The following VWA8 variants were observed in gnomAD, a reference collection of about 807,000 sequenced individuals.
VWA8 encodes the protein von Willebrand factor A domain containing 8.
A neutral mutation model predicts 241.5 loss-of-function variants in VWA8; 221 were observed. That is an observed-to-expected ratio of 0.91 (90% CI 0.82 to 1.02). The LOEUF (loss-of-function observed/expected upper bound fraction) is 1.02, where lower values mean the gene tolerates loss of function less well. VWA8 is among the 50% of genes least tolerant of loss of function. The pLI, the probability that VWA8 is intolerant of heterozygous loss-of-function variation, is 0.00. For synonymous variants in VWA8, 852 were observed against 827.1 expected (o/e 1.03, Z -0.52); for missense variants, 2,322 against 2,328.7 (o/e 1.00, Z 0.06).
chr13:41,842,120 A>C (rs1248972773), intron 12 of VWA8, among the ~76,000 whole-genome samples: 4 of 151,984 alleles, frequency 2.6e-5, no homozygotes, highest in Admixed American at 2.6e-4. Flanking sequence ...CTATGCCCAC[A>C]CCTATTAGTG....
chr13:41,944,678 C>T (rs1379985135), intron 2 of VWA8, among the ~76,000 whole-genome samples: 2 of 152,178 alleles, frequency 1.3e-5, no homozygotes, highest in African/African-American at 4.8e-5. Context: ...CAGAACTATA[C>T]AGAAGCTCCT....
Position 41,811,934 on chromosome 13 carries a change from G to T in VWA8, c.1948-594C>A, listed in dbSNP as rs186503311. Among the ~76,000 whole-genome samples the T allele has an allele frequency of 4.6e-5, 7 of 152,230 alleles. No individual in the cohort carries two copies. In the East Asian group the frequency reaches 1.3e-3, roughly 29 times the overall value. On this transcript the variant is annotated intron_variant, in intron 16 of 44. Transcript: ENST00000379310. The stretch of plus-strand genomic sequence containing the variant: ...TTGCTAGTACAGAACTCAGGACATG[G>T]TCAGTACTCAATAAATATTTGTTGA...
At chr13:41,826,782 G>A (rs185204292) in intron 14 of VWA8, among the ~76,000 whole-genome samples, 239 of 152,286 alleles carry the variant, frequency 1.6e-3, no homozygotes, top group African/African-American at 5.7e-3. Flanking sequence ...GCTAAGGCGG[G>A]AGGATGGTTT....
intron 35 of VWA8, among the ~76,000 whole-genome samples, chr13:41,677,092 T>C (rs1248595015): frequency 6.6e-6 from 1 of 152,228 alleles, no homozygotes; most frequent in African/African-American, 2.4e-5. Context: ...AATATTTATC[T>C]TTCTTTTGGG....
At chr13:41,685,276 A>G (rs763517734) in intron 34 of VWA8, 34 bp from the exon 35 acceptor site, 67 of 1,580,490 alleles carry the variant, frequency 4.2e-5, no homozygotes, top group Non-Finnish European at 5.8e-5. Flanking sequence ...GTACTGAAGT[A>G]CCATATACTA....
At chr13:41,796,120 T>C (rs571271945) in intron 17 of VWA8, among the ~76,000 whole-genome samples, 1 of 152,292 alleles carries the variant, frequency 6.6e-6, no homozygotes, top group African/African-American at 2.4e-5. Context: ...CTCAGAATGT[T>C]TGCATCCACT....
intron 10 of VWA8, among the ~76,000 whole-genome samples, chr13:41,866,629 C>T (rs1873327291): frequency 6.6e-6 from 1 of 152,016 alleles, no homozygotes; most frequent in Non-Finnish European, 1.5e-5. Context: ...TAAAGTCCCA[C>T]ATTATCAGAT....
chr13:41,956,993 C>G (rs1878378277), intron 1 of VWA8, among the ~76,000 whole-genome samples: 1 of 152,156 alleles, frequency 6.6e-6, no homozygotes, highest in Admixed American at 6.5e-5. Flanking sequence ...GTAATCCCAG[C>G]ACTTTGGGAG....
chr13:41,800,583 T>C lies in VWA8; in HGVS notation c.2063+10642A>G, dbSNP rs1317926492. 7.3e-5 allele frequency among the ~76,000 whole-genome samples: 11 copies of C among 151,444 alleles called. 1 individual carries two copies. The highest frequency in any genetic ancestry group is 7.2e-4 in the Admixed American group (11 of 15,220). ...GCAGGAGGATCATGAAGTCAGGAGA[T>C]TGAAACCATCCTGGCTAACACAGTG... On this transcript the variant is annotated intron_variant, in intron 17 of 44. Coordinates refer to ENST00000379310, the MANE Select transcript of VWA8 (RefSeq NM_015058.2).
chr13:41,688,700 T>C (rs9562334), intron 34 of VWA8, among the ~76,000 whole-genome samples: 12,396 of 151,934 alleles, frequency 0.082, 645 homozygotes, highest in African/African-American at 0.15. Context: ...ATAATGACAA[T>C]CCAACAAATT....
chr13:41,599,410 A>C (rs928422969), intron 40 of VWA8, among the ~76,000 whole-genome samples: 1 of 152,176 alleles, frequency 6.6e-6, no homozygotes, highest in Admixed American at 6.6e-5. Flanking sequence ...AACACAAAGC[A>C]GATGTTTTCT....
chr13:41,959,606 C>CTTTTT lies in VWA8; in HGVS notation c.163+1242_163+1246dup, dbSNP rs1168629617. ...ACGAAATACGTGGGACCTAAATATG[C>CTTTTT]TTTTTTTTTTTTTTTTTTTGAGATG... On this transcript the variant is annotated intron_variant, in intron 1 of 44. Transcript: ENST00000379310. Among the ~76,000 whole-genome samples the CTTTTT allele has an allele frequency of 2.1e-4, 17 of 79,648 alleles. 2 individuals carry two copies. Among genetic ancestry groups the CTTTTT allele is most frequent in the African/African-American group, 2.7e-4 (6 of 22,612 alleles). 52.3% of individuals were successfully genotyped at this position (79,648 alleles called of 152,430 possible).
chr13:41,820,104 T>C (rs906040304), intron 14 of VWA8, among the ~76,000 whole-genome samples: 2 of 152,178 alleles, frequency 1.3e-5, no homozygotes, highest in African/African-American at 4.8e-5. Context: ...ACTTGAATTA[T>C]TTTTGGAAAA....
intron 37 of VWA8, among the ~76,000 whole-genome samples, chr13:41,636,413 T>A (rs2044757057): frequency 6.6e-6 from 1 of 152,198 alleles, no homozygotes; most frequent in African/African-American, 2.4e-5. Flanking sequence ...TTACACCTTG[T>A]ACAAAAATTA....
At position 41,691,449 on chromosome 13, in the gene VWA8, G is replaced by A. The variant is rs1320485509; in HGVS notation, c.3741-4C>T. 2 of 1,611,160 alleles carry A rather than the reference G, an allele frequency of 1.2e-6. No individual in the cohort carries two copies. Among genetic ancestry groups the A allele is most frequent in the South Asian group, 2.2e-5 (2 of 90,888 alleles). On this transcript the variant is annotated splice_region_variant and splice_polypyrimidine_tract_variant and intron_variant, in intron 31 of 44. Coordinates refer to ENST00000379310, the MANE Select transcript of VWA8 (RefSeq NM_015058.2). ...ATCCAGCACAGTCAGGCTGTTCCTG[G>A]AAAAGAAGAAAACTGTATCTGAAAG...
chr13:41,734,332 C>T (rs1474338097), intron 21 of VWA8, among the ~76,000 whole-genome samples: 7 of 151,714 alleles, frequency 4.6e-5, no homozygotes, highest in East Asian at 3.9e-4. Context: ...AGCGAGACTC[C>T]GTCTAAAAAA....
chr13:41,644,484 G>A (rs200000421), intron 37 of VWA8, among the ~76,000 whole-genome samples: 3 of 152,236 alleles, frequency 2.0e-5, no homozygotes, highest in East Asian at 1.9e-4. Flanking sequence ...GGGTCTGCAC[G>A]TTTTCCCCAT....
chr13:41,693,422 T>TA (rs550552536), intron 29 of VWA8, among the ~76,000 whole-genome samples: 8 of 152,088 alleles, frequency 5.3e-5, no homozygotes, highest in Admixed American at 6.6e-5. Flanking sequence ...TGTGCATAAT[T>TA]AAATCTCATT....
At chr13:41,763,087 G>A (rs1231811287) in intron 20 of VWA8, among the ~76,000 whole-genome samples, 1 of 151,904 alleles carries the variant, frequency 6.6e-6, no homozygotes, top group Admixed American at 6.6e-5. Flanking sequence ...GGGCAACACA[G>A]TGAGGCCTCA....
Sources: allele counts gnomAD v4.1 joint callset (sites outside exome capture counted in the v4.1 genomes callset), GRCh38; gene constraint gnomAD v4.1.1; transcripts MANE v1.5; gene names NCBI Gene and HGNC (gene_info 2026-07-23, HGNC 2026-07-21).